Variants in FYB1 observed in about 807,000 individuals in gnomAD.
FYB1 encodes the protein FYN-binding protein 1.
A neutral mutation model predicts 94.1 loss-of-function variants in FYB1; 41 were observed. The observed-to-expected ratio is 0.44, with a 90% CI of 0.34 to 0.57. FYB1 has a LOEUF of 0.57. Ranked by LOEUF, FYB1 falls within the 20% of genes least tolerant of loss-of-function variation. The pLI is 0.02. For synonymous variants in FYB1, 367 were observed against 353.2 expected (o/e 1.04, Z -0.44); for missense variants, 1,050 against 976.8 (o/e 1.07, Z -1.00).
At chr5:39,254,051 T>C (rs1003268992) in intron 1 of FYB1, among the ~76,000 whole-genome samples, 1 of 152,160 alleles carries the variant, frequency 6.6e-6, no homozygotes, top group African/African-American at 2.4e-5. Flanking sequence ...TCCGTAGTAG[T>C]TCTATGGTGT....
At chr5:39,123,305 C>G (rs954044430) in intron 13 of FYB1, among the ~76,000 whole-genome samples, 3 of 152,144 alleles carry the variant, frequency 2.0e-5, no homozygotes, top group African/African-American at 4.8e-5. Context: ...GAAACTTGCT[C>G]AGCTGCGTGA....
At chr5:39,254,128 C>T (rs955494932) in intron 1 of FYB1, among the ~76,000 whole-genome samples, 23 of 152,122 alleles carry the variant, frequency 1.5e-4, no homozygotes, top group South Asian at 4.1e-4. Flanking sequence ...CATGTCTTTG[C>T]TATTGTGAAT....
At chr5:39,238,144 T>C (rs1290293038) in intron 1 of FYB1, among the ~76,000 whole-genome samples, 1 of 152,074 alleles carries the variant, frequency 6.6e-6, no homozygotes. Flanking sequence ...ATGGTTAAGA[T>C]GGTAAATTTT....
At chr5:39,226,816 C>A (rs940727311) in intron 1 of FYB1, among the ~76,000 whole-genome samples, 1 of 152,164 alleles carries the variant, frequency 6.6e-6, no homozygotes, top group Non-Finnish European at 1.5e-5. Flanking sequence ...GTAACTAGCT[C>A]CCTCCTCCAA....
chr5:39,247,738 A>G (rs73091238), intron 1 of FYB1, among the ~76,000 whole-genome samples: 1,960 of 151,760 alleles, frequency 0.013, 39 homozygotes, highest in African/African-American at 0.042. Context: ...TCCAGGGTTA[A>G]TTTCAGCAAA....
intron 16 of FYB1, 83 bp downstream of exon 16, chr5:39,118,791 A>G: frequency 2.4e-6 from 2 of 825,238 alleles, no homozygotes; most frequent in Non-Finnish European, 3.5e-6. Context: ...TAGTAAACAC[A>G]GAGTAGTCAC....
intron 6 of FYB1, 70 bp from the exon 7 acceptor site, chr5:39,137,790 A>C: frequency 6.5e-7 from 1 of 1,538,096 alleles, no homozygotes; most frequent in Non-Finnish European, 8.8e-7. Context: ...CCTACCTAGA[A>C]GTTTCTACTC....
intron 16 of FYB1, among the ~76,000 whole-genome samples, chr5:39,111,989 CAG>C (rs1171121794): frequency 1.3e-5 from 2 of 151,910 alleles, no homozygotes; most frequent in African/African-American, 4.8e-5. Context: ...TTCATGTTAA[CAG>C]ACTTTCTTTT....
At chr5:39,125,494 TTTAA>T (rs1332426139) in intron 12 of FYB1, among the ~76,000 whole-genome samples, 14 of 152,336 alleles carry the variant, frequency 9.2e-5, no homozygotes, top group African/African-American at 2.9e-4. Context: ...GTTAAAAGTC[TTTAA>T]TTATTGTACT....
At chr5:39,149,274 C>T (rs1186742925) in intron 3 of FYB1, among the ~76,000 whole-genome samples, 1 of 152,168 alleles carries the variant, frequency 6.6e-6, no homozygotes, top group African/African-American at 2.4e-5. Context: ...TAGGAGTAGG[C>T]AGAACAGGCT....
Position 39,138,707 on chromosome 5 carries a change from T to C in FYB1, c.1360-16A>G. The C allele has an allele frequency of 7.2e-7, 1 of 1,392,162 alleles. No homozygotes were observed. Among genetic ancestry groups the C allele is most frequent in the Non-Finnish European group, 1.0e-6 (1 of 989,656 alleles). 86.2% of individuals were successfully genotyped at this position (1,392,162 alleles called of 1,614,324 possible). ...TGTCTTGTTCCTGTAAAGAAAAACA[T>C]TGATAATGATTAATTTTTATTATTT... On this transcript the variant is annotated splice_polypyrimidine_tract_variant and intron_variant, in intron 5 of 18. Transcript: ENST00000512982.
chr5:39,132,743 C>T (rs1179787435), intron 9 of FYB1, among the ~76,000 whole-genome samples: 6 of 152,080 alleles, frequency 3.9e-5, no homozygotes, highest in Admixed American at 6.6e-5. Flanking sequence ...TGTAAATATG[C>T]GCAAATAATG....
chr5:39,236,053 G>A (rs1750951249), intron 1 of FYB1, among the ~76,000 whole-genome samples: 2 of 151,722 alleles, frequency 1.3e-5, no homozygotes, highest in East Asian at 3.9e-4. Flanking sequence ...ACAGGACCAG[G>A]ACCCTATGAT....
rs1436347878 is a variant in FYB1, at chr5:39,259,860, T to C, written c.-28+14543A>G. The stretch of plus-strand genomic sequence containing the variant: ...CTCAAGAAATAGGATAAAATCTGCA[T>C]TGGACACTCTAGATAGGGTGAGCAA... On this transcript the variant is annotated intron_variant, in intron 1 of 1. Coordinates refer to the FYB1 transcript ENST00000510188. 9.8e-5 allele frequency among the ~76,000 whole-genome samples: 15 copies of C among 152,314 alleles called. No individual in the cohort carries two copies. The East Asian group carries it at 2.7e-3, about 27-fold the overall frequency.
chr5:39,184,260 T>C (rs1002774996), intron 2 of FYB1, among the ~76,000 whole-genome samples: 15 of 152,220 alleles, frequency 9.9e-5, no homozygotes, highest in Non-Finnish European at 1.8e-4. Flanking sequence ...ATCTGAAATA[T>C]TTTGAAGTTC....
chr5:39,223,540 A>C (rs939003893), upstream of FYB1, among the ~76,000 whole-genome samples: 1 of 152,246 alleles, frequency 6.6e-6, no homozygotes, highest in Non-Finnish European at 1.5e-5. Context: ...ATGCTTCTTA[A>C]ATAAAGTTTT....
intron 1 of FYB1, among the ~76,000 whole-genome samples, chr5:39,273,925 CTT>C (rs746128869): frequency 6.8e-6 from 1 of 146,844 alleles, no homozygotes; most frequent in Non-Finnish European, 1.5e-5. Context: ...ATCTATTATG[CTT>C]TTTTTTTTTC....
At chr5:39,209,199 G>A (rs1476014060) in intron 1 of FYB1, among the ~76,000 whole-genome samples, 2 of 152,102 alleles carry the variant, frequency 1.3e-5, no homozygotes, top group Non-Finnish European at 2.9e-5. Context: ...CGACTTAAGA[G>A]TTAACGGTTG....
intron 2 of FYB1, 77 bp downstream of exon 2, chr5:39,201,749 A>G: frequency 7.5e-7 from 1 of 1,327,430 alleles, no homozygotes; most frequent in Non-Finnish European, 1.0e-6. Context: ...TCCTTGTTAC[A>G]AAACTTTCCC....
Sources: gnomAD v4.1 joint callset for allele counts (sites outside exome capture counted in the v4.1 genomes callset) on GRCh38, gnomAD v4.1.1 for gene constraint, MANE v1.5 for transcripts, NCBI Gene and HGNC (gene_info 2026-07-23, HGNC 2026-07-21) for gene names.